LRMDA: variants seen among roughly 807,000 people sequenced by gnomAD.
LRMDA encodes leucine rich melanocyte differentiation associated, also known as leucine-rich melanocyte differentiation-associated protein.
A neutral mutation model predicts 29.8 loss-of-function variants in LRMDA; 18 were observed. That is an observed-to-expected ratio of 0.60 (90% confidence interval 0.42 to 0.90). The LOEUF (loss-of-function observed/expected upper bound fraction) is 0.90, where lower values mean the gene tolerates loss of function less well. LRMDA is among the 40% of genes least tolerant of loss of function. The pLI, the probability that LRMDA is intolerant of heterozygous loss-of-function variation, is 0.00. For missense variants in LRMDA, 273 were observed against 273.9 expected, an observed-to-expected ratio of 1.00 and a Z score of 0.02; for synonymous variants, 125 against 109.4, an observed-to-expected ratio of 1.14 and a Z score of -0.89.
At chr10:76,453,615 A>G (rs1842428384) in intron 6 of LRMDA, among the ~76,000 whole-genome samples, 1 of 152,234 alleles carries the variant, frequency 6.6e-6, no homozygotes, top group African/African-American at 2.4e-5. Flanking sequence ...TAAACCGGTA[A>G]CCACAACAGC....
chr10:76,508,250 T>G (rs1033193892), intron 6 of LRMDA, among the ~76,000 whole-genome samples: 1 of 152,174 alleles, frequency 6.6e-6, no homozygotes, highest in Non-Finnish European at 1.5e-5. Flanking sequence ...AAGTATCTTG[T>G]GGGGAGATAT....
At chr10:75,701,809 C>T (rs1408704495) in intron 2 of LRMDA, among the ~76,000 whole-genome samples, 2 of 152,054 alleles carry the variant, frequency 1.3e-5, no homozygotes, top group Non-Finnish European at 2.9e-5. Context: ...CTAATAGCCT[C>T]CTAGGAGGGG....
intron 5 of LRMDA, among the ~76,000 whole-genome samples, chr10:76,235,919 A>G (rs1438719565): frequency 6.6e-6 from 1 of 152,206 alleles, no homozygotes; most frequent in Admixed American, 6.5e-5. Context: ...TTTCAGAGCT[A>G]CTTCCGTGTG....
At chr10:76,173,052 A>G (rs543042835) in intron 5 of LRMDA, among the ~76,000 whole-genome samples, 2 of 128,218 alleles carry the variant, frequency 1.6e-5, no homozygotes. Flanking sequence ...GAAAGTGTTA[A>G]GAAGATAAAA....
intron 5 of LRMDA, among the ~76,000 whole-genome samples, chr10:76,282,558 T>A (rs1840219800): frequency 6.6e-6 from 1 of 152,182 alleles, no homozygotes; most frequent in African/African-American, 2.4e-5. Flanking sequence ...CAGAGCTTGA[T>A]GAGATTAAAC....
At chr10:75,924,196 T>C (rs746828242) in intron 2 of LRMDA, among the ~76,000 whole-genome samples, 11 of 152,206 alleles carry the variant, frequency 7.2e-5, no homozygotes, top group Non-Finnish European at 1.2e-4. Context: ...ATGCAAATTG[T>C]AACCTGTTTT....
At chr10:75,595,187 G>A (rs989427572) in intron 2 of LRMDA, among the ~76,000 whole-genome samples, 1 of 152,020 alleles carries the variant, frequency 6.6e-6, no homozygotes, top group Non-Finnish European at 1.5e-5. Flanking sequence ...TTTACTAATG[G>A]CCCATAATCA....
At chr10:76,127,309 C>T (rs1849901082) in intron 5 of LRMDA, among the ~76,000 whole-genome samples, 1 of 152,198 alleles carries the variant, frequency 6.6e-6, no homozygotes, top group Admixed American at 6.5e-5. Flanking sequence ...CACACACATT[C>T]ATAGTAGAAG....
intron 3 of LRMDA, among the ~76,000 whole-genome samples, chr10:76,036,623 A>C (rs988570521): frequency 1.3e-5 from 2 of 152,156 alleles, no homozygotes; most frequent in African/African-American, 2.4e-5. Context: ...GAAAGGAGCT[A>C]AGGTGGCAGA....
chr10:75,978,542 T>C lies in LRMDA; in HGVS notation c.132-57466T>C, dbSNP rs145887267. On this transcript the variant is annotated intron_variant, in intron 2 of 6. Transcript: ENST00000611255. Reference sequence around the variant, plus strand: ...GAAAGGAAAATGGAATCGTTTAGCTTGGCAGCCACATGCCAAATAAAAATC... The same window carrying C: ...GAAAGGAAAATGGAATCGTTTAGCTCGGCAGCCACATGCCAAATAAAAATC... Among the ~76,000 whole-genome samples the C allele has an allele frequency of 3.2e-3, 485 of 152,268 alleles. 3 individuals carry two copies. The highest frequency in any genetic ancestry group is 0.011 in the African/African-American group (461 of 41,552).
intron 6 of LRMDA, among the ~76,000 whole-genome samples, chr10:76,537,867 T>G (rs1843307777): frequency 6.6e-6 from 1 of 152,226 alleles, no homozygotes; most frequent in African/African-American, 2.4e-5. Context: ...CTGAAAATCC[T>G]GACTTTTAAC....
intron 2 of LRMDA, among the ~76,000 whole-genome samples, chr10:75,559,281 A>G (rs1840258924): frequency 6.6e-6 from 1 of 150,688 alleles, no homozygotes; most frequent in Non-Finnish European, 1.5e-5. Flanking sequence ...TCTGATGGCC[A>G]GTGATGGTGA....
At chr10:75,565,727 T>G (rs1488921608) in intron 2 of LRMDA, among the ~76,000 whole-genome samples, 1 of 152,200 alleles carries the variant, frequency 6.6e-6, no homozygotes, top group Non-Finnish European at 1.5e-5. Context: ...ATTGTGAAAC[T>G]CTGTACTTCC....
intron 2 of LRMDA, among the ~76,000 whole-genome samples, chr10:75,734,617 T>G (rs944507912): frequency 2.6e-5 from 4 of 152,226 alleles, no homozygotes; most frequent in Non-Finnish European, 5.9e-5. Context: ...ACTTACTCTG[T>G]GAATGTTTAT....
chr10:76,482,110 T>C (rs1414914792), intron 6 of LRMDA, among the ~76,000 whole-genome samples: 1 of 151,960 alleles, frequency 6.6e-6, no homozygotes, highest in Non-Finnish European at 1.5e-5. Flanking sequence ...CATGATAATC[T>C]TATCCAGTTT....
chr10:75,911,387 C>A (rs1250229767), intron 2 of LRMDA, among the ~76,000 whole-genome samples: 1 of 152,282 alleles, frequency 6.6e-6, no homozygotes, highest in South Asian at 2.1e-4. Context: ...AGTTCCTGGG[C>A]ACAGACAGTG....
rs539222779 is a variant in LRMDA, at chr10:75,746,827, A to G, written c.132-289181A>G. Among the ~76,000 whole-genome samples the G allele has an allele frequency of 1.5e-4, 23 of 152,216 alleles. No homozygotes were observed. The South Asian group carries it at 4.4e-3, about 29-fold the overall frequency. On this transcript the variant is annotated intron_variant, in intron 2 of 6. Transcript: ENST00000611255. ...GGGAAGAAAAAAGAATTTTTATTAT[A>G]TTAGAGTTGAAAACTAGAAGCTTTG...
At chr10:76,277,137 C>T (rs542213999) in intron 5 of LRMDA, among the ~76,000 whole-genome samples, 4 of 152,178 alleles carry the variant, frequency 2.6e-5, no homozygotes, top group Non-Finnish European at 5.9e-5. Context: ...CTGTTTTTCA[C>T]AGCTCTTCAG....
chr10:75,682,930 G>C (rs1042361254), intron 2 of LRMDA, among the ~76,000 whole-genome samples: 1 of 152,170 alleles, frequency 6.6e-6, no homozygotes, highest in African/African-American at 2.4e-5. Context: ...AATGTTCACT[G>C]TATAAAAAAC....
Sources: gnomAD v4.1 joint callset for allele counts (sites outside exome capture counted in the v4.1 genomes callset) on GRCh38, gnomAD v4.1.1 for gene constraint, MANE v1.5 for transcripts, NCBI Gene and HGNC (gene_info 2026-07-23, HGNC 2026-07-21) for gene names.